MICALL1: variants seen among roughly 807,000 people sequenced by gnomAD.
MICALL1 encodes the protein MICAL like 1.
Under a neutral mutation model 83.7 loss-of-function variants are expected in MICALL1, and 61 were observed. That is an observed-to-expected ratio of 0.73 (90% CI 0.59 to 0.90). The LOEUF (loss-of-function observed/expected upper bound fraction) is 0.90, where lower values mean the gene tolerates loss of function less well. Ranked by LOEUF, MICALL1 falls within the 40% of genes least tolerant of loss-of-function variation. MICALL1 has a pLI of 0.00. For missense variants in MICALL1, 1,066 were observed against 1,152.0 expected (o/e 0.93, Z 1.08); for synonymous variants, 481 against 473.6 (o/e 1.02, Z -0.20).
rs749196482 is a variant in MICALL1, at chr22:37,911,949, C to G, written c.147-3C>G. ...CCAACCCTCCTCCCTTTGCCTCTTG[C>G]AGAGATTTTGATTCGCTTTCCAAGG... On this transcript the variant is annotated splice_polypyrimidine_tract_variant and splice_region_variant and intron_variant, in intron 1 of 15. Transcript: ENST00000215957. The G allele has an allele frequency of 6.2e-7, 1 of 1,614,090 alleles. No individual in the cohort carries two copies. Among genetic ancestry groups the G allele is most frequent in the Non-Finnish European group, 8.5e-7 (1 of 1,179,932 alleles).
intron 15 of MICALL1, among the ~76,000 whole-genome samples, chr22:37,938,813 A>G (rs763235355): frequency 2.0e-5 from 3 of 152,038 alleles, no homozygotes; most frequent in African/African-American, 4.8e-5. Context: ...GGGTTTCGCC[A>G]TGTTGGCCAG....
At chr22:37,937,645 A>G (rs1930210572) in intron 14 of MICALL1, 101 bp from the exon 15 acceptor site, 8 of 1,222,026 alleles carry the variant, frequency 6.5e-6, no homozygotes, top group Non-Finnish European at 9.4e-6. Context: ...GCTGATCTCG[A>G]ACTCCTGACT....
intron 5 of MICALL1, among the ~76,000 whole-genome samples, chr22:37,920,304 G>A (rs1489292911): frequency 6.6e-6 from 1 of 152,214 alleles, no homozygotes; most frequent in East Asian, 1.9e-4. Flanking sequence ...CAAGGAAGCC[G>A]GGAGTGGCAG....
intron 13 of MICALL1, among the ~76,000 whole-genome samples, chr22:37,934,594 T>A (rs1422671837): frequency 6.6e-6 from 1 of 151,394 alleles, no homozygotes; most frequent in Non-Finnish European, 1.5e-5. Flanking sequence ...TTTATTTATT[T>A]ATTATTATTA....
intron 5 of MICALL1, among the ~76,000 whole-genome samples, chr22:37,920,703 C>T (rs12169424): frequency 0.024 from 3,655 of 151,966 alleles, 153 homozygotes; most frequent in East Asian, 0.2. Flanking sequence ...GGGTGGATCA[C>T]GAGGTCAGGA....
rs1017144911 is a variant in MICALL1 at position 37,922,367 on chromosome 22, G to C, written c.965G>C (p.Arg322Pro). ...TTPAPPTPRP[R>P]SSLQQENLVE... is the part of the protein sequence containing the mutation. ...CCAGCACCCCCCACGCCCCGGCCCC[G>C]CTCCAGTCTGCAGCAGGAGAACCTG... The change falls in exon 6 of 16, where the codon CGC (arginine) becomes CCC (proline). Residue 322 changes from arginine (R) to proline (P), a missense_variant. Physicochemically the swap from Arg to Pro is moderately radical, Grantham distance 103 (BLOSUM62 -2). Transcript: ENST00000215957. 2.0e-6 allele frequency: 3 copies of C among 1,527,056 alleles called. No homozygotes were observed. Among genetic ancestry groups the C allele is most frequent in the Admixed American group, 4.0e-5 (2 of 49,622 alleles). The allele number at this position is 1,527,056 out of a possible 1,614,324, so 94.6% of individuals were successfully genotyped here. A position where few individuals can be genotyped will look rare whatever the true frequency, so the allele number is the denominator to read the frequency against.
At chr22:37,909,469 C>T (rs934599858) in intron 1 of MICALL1, among the ~76,000 whole-genome samples, 2 of 152,062 alleles carry the variant, frequency 1.3e-5, no homozygotes, top group Non-Finnish European at 2.9e-5. Context: ...CGCCATTCTC[C>T]TGCCTTAGCC....
In MICALL1 at chr22:37,933,112, G is replaced by A; in HGVS notation, c.2308G>A (p.Glu770Lys). 6.2e-7 allele frequency: 1 copy of A among 1,613,710 alleles called. No homozygotes were observed. The highest frequency in any genetic ancestry group is 8.5e-7 in the Non-Finnish European group (1 of 1,179,982). ...GCTCCGGTGCCTCCTCAATAAGCCA[G>A]GTGAGTGCAGCCACTGGCACTCCCC... ...YELRCLLNKP[E>K]KDWTEEDRAR... The change falls in exon 13 of 16, where the codon GAA becomes AAA. Residue 770 changes from glutamate to lysine, a missense_variant and splice_region_variant. Coordinates refer to ENST00000215957, the MANE Select transcript of MICALL1 (RefSeq NM_033386.4).
At chr22:37,918,380 G>A (rs989112792) in intron 4 of MICALL1, among the ~76,000 whole-genome samples, 3 of 152,188 alleles carry the variant, frequency 2.0e-5, no homozygotes, top group Middle Eastern at 3.2e-3. Context: ...ACATCTGGAC[G>A]GCACCTTACA....
intron 8 of MICALL1, among the ~76,000 whole-genome samples, chr22:37,926,318 G>A (rs966645622): frequency 2.0e-5 from 3 of 152,178 alleles, no homozygotes; most frequent in East Asian, 1.9e-4. Flanking sequence ...AGTCTGGCCC[G>A]AGTCCATCTC....
Position 37,927,830 on chromosome 22 carries a change from A to G in MICALL1, c.1881+4A>G, listed in dbSNP as rs780176920. ...GTCCCCACAGCTGCAGGTAAAGGTG[A>G]GTGCCCCCTCACCCTCACTAAAAGT... On this transcript the variant is annotated splice_donor_region_variant and intron_variant, in intron 9 of 15. Transcript: ENST00000215957. The G allele has an allele frequency of 1.9e-6, 3 of 1,600,252 alleles. No homozygotes were observed. The South Asian group carries it at 3.3e-5, about 18-fold the overall frequency.
intron 3 of MICALL1, among the ~76,000 whole-genome samples, chr22:37,913,127 T>A (rs1456410873): frequency 6.6e-6 from 1 of 151,954 alleles, no homozygotes; most frequent in Non-Finnish European, 1.5e-5. Flanking sequence ...TACACCTGGC[T>A]AATTTTTGGT....
chr22:37,906,825 C>A lies in MICALL1; in HGVS notation c.146+257C>A. 5.3e-6 allele frequency: 1 copy of A among 189,054 alleles called. No homozygotes were observed. Among genetic ancestry groups the A allele is most frequent in the Non-Finnish European group, 1.1e-5 (1 of 92,848 alleles). The allele number at this position is 189,054 out of a possible 1,614,324, so 11.7% of individuals were successfully genotyped here. On this transcript the variant is annotated intron_variant, in intron 1 of 15. Transcript: ENST00000215957. The surrounding 1 kb of genome is among the most constrained non-coding windows in gnomAD (Gnocchi z 4.4). The stretch of plus-strand genomic sequence containing the variant: ...CGAGGCTGGTCCCTCCGCGGGGACA[C>A]TGGCCCCGCCCACAAAGCGCTGATT...
chr22:37,931,672 T>C, intron 9 of MICALL1, 127 bp from the exon 10 acceptor site: 1 of 1,094,002 alleles, frequency 9.1e-7, no homozygotes. Context: ...AAGGAGACTG[T>C]CTCTTTGCCT....
At chr22:37,925,632 T>C in intron 7 of MICALL1, 29 bp from the exon 8 acceptor site, 3 of 1,572,302 alleles carry the variant, frequency 1.9e-6, no homozygotes, top group Non-Finnish European at 2.6e-6. Flanking sequence ...CCTCTGCTAA[T>C]GGTTTCTGCT....
Position 37,930,025 on chromosome 22 carries a change from C to T in MICALL1, c.1882-1774C>T, listed in dbSNP as rs1350573655. ...CCCACAGATGGTGAGGGGCTGGCGG[C>T]ACCAAGTGTCCTGAGTGCTCGAAAG... On this transcript the variant is annotated intron_variant, in intron 9 of 15. Transcript: ENST00000215957. The surrounding 1 kb of genome is among the most constrained non-coding windows in gnomAD (Gnocchi z 4.8). Among the ~76,000 whole-genome samples, 1 of 152,216 alleles carries T rather than the reference C, an allele frequency of 6.6e-6. No homozygotes were observed. The highest frequency in any genetic ancestry group is 2.4e-5 in the African/African-American group (1 of 41,448).
chr22:37,922,534 GTGTGC>G, intron 6 of MICALL1, 108 bp downstream of exon 6: 1 of 742,398 alleles, frequency 1.3e-6, no homozygotes, highest in Non-Finnish European at 2.1e-6. Flanking sequence ...CTGTGCCATT[GTGTGC>G]TGTGCTGTGT....
chr22:37,932,757 A>C lies in MICALL1; in HGVS notation c.2144-41A>C. The C allele has an allele frequency of 1.9e-6, 3 of 1,613,534 alleles. No individual in the cohort carries two copies. Among genetic ancestry groups the C allele is most frequent in the Non-Finnish European group, 2.5e-6 (3 of 1,179,706 alleles). On this transcript the variant is annotated intron_variant, in intron 11 of 15. Coordinates refer to ENST00000215957, the MANE Select transcript of MICALL1 (RefSeq NM_033386.4). The surrounding 1 kb of genome is among the most constrained non-coding windows in gnomAD (Gnocchi z 4.4). ...TATTCCCCGGGGAACTGAGCCAGGC[A>C]TGGCAGCCAGCCCTGGCCTCAGTGG...
Position 37,933,071 on chromosome 22 carries a change from C to G in MICALL1, c.2267C>G (p.Ala756Gly). Residue 756 changes from alanine (A) to glycine (G), a missense_variant, in exon 13 of 16, where the codon GCT (alanine) becomes GGT (glycine). Transcript: ENST00000215957. ...CAGCAGAACCTGGAGCAGCGCCAGG[C>G]TGATGTCGAGTATGAGCTCCGGTGC... ...FKQQNLEQRQADVEYELRCLL... is the reference protein window; with the variant it reads ...FKQQNLEQRQGDVEYELRCLL... 1 of 1,614,044 alleles carries G rather than the reference C, an allele frequency of 6.2e-7. No individual in the cohort carries two copies. The highest frequency in any genetic ancestry group is 8.5e-7 in the Non-Finnish European group (1 of 1,180,014).
Sources: allele counts gnomAD v4.1 joint callset (sites outside exome capture counted in the v4.1 genomes callset), GRCh38; gene constraint gnomAD v4.1.1; non-coding constraint Gnocchi (gnomAD v3.1); transcripts MANE v1.5; gene names NCBI Gene and HGNC (gene_info 2026-07-23, HGNC 2026-07-21).